Variants in TSHZ2 observed in about 807,000 individuals in gnomAD.
TSHZ2 encodes teashirt homolog 2.
TSHZ2 carries 21 observed loss-of-function variants against 74.4 expected under a neutral mutation model. That is an observed-to-expected ratio of 0.28 (90% CI 0.20 to 0.41). The LOEUF (loss-of-function observed/expected upper bound fraction) is 0.41, where lower values mean the gene tolerates loss of function less well. TSHZ2 is among the 10% of genes least tolerant of loss of function. TSHZ2 has a pLI of 1.00. For synonymous variants in TSHZ2, 540 were observed against 515.3 expected, an observed-to-expected ratio of 1.05 and a Z score of -0.65; for missense variants, 1,244 against 1,293.5, an observed-to-expected ratio of 0.96 and a Z score of 0.59.
intron 2 of TSHZ2, among the ~76,000 whole-genome samples, chr20:53,294,563 A>T (rs750909517): frequency 6.6e-6 from 1 of 152,092 alleles, no homozygotes; most frequent in Non-Finnish European, 1.5e-5. Context: ...AAAATTATAC[A>T]ACTGAGTCAT....
chr20:53,118,027 CAGG>C (rs569271052), intron 1 of TSHZ2, among the ~76,000 whole-genome samples: 1 of 152,214 alleles, frequency 6.6e-6, no homozygotes, highest in Non-Finnish European at 1.5e-5. Flanking sequence ...TCTTATCACT[CAGG>C]AGAATTGTGG....
chr20:53,214,905 T>C (rs543502879), intron 1 of TSHZ2, among the ~76,000 whole-genome samples: 33 of 152,152 alleles, frequency 2.2e-4, no homozygotes, highest in African/African-American at 5.3e-4. Context: ...ATGAGCTTGA[T>C]TGAAGCAAGA....
At chr20:53,186,883 G>A (rs1283321865) in intron 1 of TSHZ2, among the ~76,000 whole-genome samples, 1 of 151,784 alleles carries the variant, frequency 6.6e-6, no homozygotes, top group Non-Finnish European at 1.5e-5. Context: ...CAGTGTGTGC[G>A]CAGGGACACT....
Position 53,434,223 on chromosome 20 carries a change from C to T in TSHZ2, c.*9-52921C>T, listed in dbSNP as rs1983956343. Among the ~76,000 whole-genome samples, 3 of 152,170 alleles carry T rather than the reference C, an allele frequency of 2.0e-5. 1 individual carries two copies. In the South Asian group the frequency reaches 6.2e-4, roughly 32 times the overall value. ...ATCATTACTGCTACTACCACCACCA[C>T]AAGAATAACCTGTTGAGTATTTCCC... On this transcript the variant is annotated intron_variant, in intron 2 of 2. Transcript: ENST00000371497.
At chr20:53,108,455 A>G (rs1986442241) in intron 1 of TSHZ2, among the ~76,000 whole-genome samples, 1 of 152,242 alleles carries the variant, frequency 6.6e-6, no homozygotes, top group African/African-American at 2.4e-5. Flanking sequence ...TTTTACAATT[A>G]TAGCTGGAAG....
intron 1 of TSHZ2, among the ~76,000 whole-genome samples, chr20:53,107,731 G>A (rs759330835): frequency 2.6e-5 from 4 of 152,192 alleles, no homozygotes; most frequent in Non-Finnish European, 5.9e-5. Flanking sequence ...GTGGGAGACC[G>A]TATCTTCATG....
chr20:53,472,804 C>T (rs141937817), intron 2 of TSHZ2, among the ~76,000 whole-genome samples: 11,235 of 151,410 alleles, frequency 0.074, 553 homozygotes, highest in South Asian at 0.23. Context: ...GTGCGCGCAC[C>T]GTGCGCGAGC....
rs1986484600 is a variant in TSHZ2 at position 53,492,854 on chromosome 20, GTGTTT to G, written c.*5720_*5724del. 2 of 152,114 alleles carry G rather than the reference GTGTTT, an allele frequency of 1.3e-5. No homozygotes were observed. Among genetic ancestry groups the G allele is most frequent in the Admixed American group, 1.3e-4 (2 of 15,276 alleles). The allele number at this position is 152,114 out of a possible 1,614,324, so 9.4% of individuals were successfully genotyped here. ...GAATCACATTCATCCTTGCTCTAAA[GTGTTT>G]ACTTGCCAGCAAAGAAAGGCAAACA... is the stretch of plus-strand genomic sequence containing the variant. On this transcript the variant is annotated 3_prime_UTR_variant, in exon 3 of 3. Coordinates refer to ENST00000371497, the MANE Select transcript of TSHZ2 (RefSeq NM_173485.6).
intron 2 of TSHZ2, among the ~76,000 whole-genome samples, chr20:53,336,427 G>A (rs1003926596): frequency 1.3e-5 from 2 of 152,190 alleles, no homozygotes; most frequent in Non-Finnish European, 2.9e-5. Context: ...ATTATAAGAT[G>A]TGTCATTATT....
intron 2 of TSHZ2, among the ~76,000 whole-genome samples, chr20:53,434,607 A>T (rs1410715352): frequency 6.6e-6 from 1 of 152,246 alleles, no homozygotes; most frequent in Non-Finnish European, 1.5e-5. Flanking sequence ...CTTGTTTTCT[A>T]CGTGTAGTGG....
chr20:53,215,378 C>T (rs986742183), intron 1 of TSHZ2, among the ~76,000 whole-genome samples: 23 of 152,100 alleles, frequency 1.5e-4, no homozygotes, highest in Middle Eastern at 3.4e-3. Context: ...ACTGTCTAAC[C>T]ATGCCACAGT....
chr20:53,200,033 G>T (rs1371170684), intron 1 of TSHZ2, among the ~76,000 whole-genome samples: 1 of 152,212 alleles, frequency 6.6e-6, no homozygotes, highest in Non-Finnish European at 1.5e-5. Flanking sequence ...GATGAGGGTA[G>T]TTTAGAGCTC....
intron 1 of TSHZ2, among the ~76,000 whole-genome samples, chr20:53,236,123 A>G (rs1037582904): frequency 1.3e-5 from 2 of 152,214 alleles, no homozygotes; most frequent in Admixed American, 6.5e-5. Flanking sequence ...CTGCCTCAGA[A>G]GCCTGACTGT....
intron 1 of TSHZ2, among the ~76,000 whole-genome samples, chr20:53,192,199 T>C (rs1172467220): frequency 3.9e-5 from 6 of 152,024 alleles, no homozygotes; most frequent in African/African-American, 1.4e-4. Context: ...TGATTTTTCA[T>C]TGTACCTGTT....
At chr20:53,433,467 G>A (rs1033154261) in intron 2 of TSHZ2, among the ~76,000 whole-genome samples, 3 of 152,076 alleles carry the variant, frequency 2.0e-5, no homozygotes, top group African/African-American at 7.2e-5. Flanking sequence ...CTTGAGCCTA[G>A]GAGTTTAAGG....
Position 53,253,736 on chromosome 20 carries a change from C to G in TSHZ2, c.278C>G (p.Ser93Trp), listed in dbSNP as rs995860799. The G allele has an allele frequency of 1.2e-6, 2 of 1,614,030 alleles. No homozygotes were observed. The highest frequency in any genetic ancestry group is 2.7e-5 in the African/African-American group (2 of 74,912). The change falls in exon 2 of 3, where the codon TCG becomes TGG. Residue 93 changes from serine (S) to tryptophan (W), a missense_variant. Ser to Trp is a radical substitution (Grantham distance 177). Coordinates refer to ENST00000371497, the MANE Select transcript of TSHZ2 (RefSeq NM_173485.6). The stretch of plus-strand genomic sequence containing the variant: ...CTGAGTGACGCCAGTGATCAGGTGT[C>G]GGACATCAAGAGTGTCTGCGGCAGA... ...SLLSDASDQV[S>W]DIKSVCGRDA... is the part of the protein sequence containing the mutation.
chr20:53,013,955 T>A (rs1427009637), intron 1 of TSHZ2, among the ~76,000 whole-genome samples: 1 of 152,090 alleles, frequency 6.6e-6, no homozygotes, highest in Non-Finnish European at 1.5e-5. Flanking sequence ...AGCCATGGAG[T>A]TTACTTTCAA....
chr20:53,452,979 G>A (rs1413824976), intron 2 of TSHZ2: 8 of 152,280 alleles, frequency 5.3e-5, no homozygotes, highest in Non-Finnish European at 1.5e-5. Context: ...GTTGAGTCGG[G>A]AGATAAAAAT....
chr20:53,390,877 G>T lies in TSHZ2; in HGVS notation c.*9-96267G>T, dbSNP rs991312046. Reference sequence around the variant, plus strand: ...TGAGATAGTATCTCATTGTGGTTTTGATTTGGCCAGCAAAATTTGTTAAGG... The same window carrying T: ...TGAGATAGTATCTCATTGTGGTTTTTATTTGGCCAGCAAAATTTGTTAAGG... On this transcript the variant is annotated intron_variant, in intron 2 of 2. Coordinates refer to ENST00000371497, the MANE Select transcript of TSHZ2 (RefSeq NM_173485.6). 2.6e-5 allele frequency among the ~76,000 whole-genome samples: 4 copies of T among 152,258 alleles called. No individual in the cohort carries two copies. The East Asian group carries it at 5.8e-4, about 22-fold the overall frequency.
Sources: allele counts gnomAD v4.1 joint callset (sites outside exome capture counted in the v4.1 genomes callset), GRCh38; gene constraint gnomAD v4.1.1; transcripts MANE v1.5; gene names NCBI Gene and HGNC (gene_info 2026-07-23, HGNC 2026-07-21).